RSRC1: variants seen among roughly 807,000 people sequenced by gnomAD.
The protein encoded by RSRC1 is arginine and serine rich coiled-coil 1.
A neutral mutation model predicts 49.1 loss-of-function variants in RSRC1; 39 were observed. The ratio of observed to expected loss-of-function variants is 0.79; its 90% CI spans 0.61 to 1.04. The LOEUF is 1.04. Among genes scored for constraint, RSRC1 ranks in the 50% least tolerant of loss-of-function variants. The pLI is 0.00. For missense variants in RSRC1, 388 were observed against 402.4 expected, an observed-to-expected ratio of 0.96 and a Z score of 0.31; for synonymous variants, 143 against 130.8, an observed-to-expected ratio of 1.09 and a Z score of -0.63.
intron 3 of RSRC1, among the ~76,000 whole-genome samples, chr3:158,154,849 G>A (rs12107974): frequency 0.016 from 2,402 of 152,202 alleles, 84 homozygotes; most frequent in African/African-American, 0.055. Flanking sequence ...ATCCTTTGCC[G>A]TGATTTCAGC....
intron 4 of RSRC1, among the ~76,000 whole-genome samples, chr3:158,244,806 CATT>C (rs1476729810): frequency 2.0e-5 from 3 of 151,990 alleles, no homozygotes; most frequent in East Asian, 3.9e-4. Flanking sequence ...TTTCAGAACT[CATT>C]ATTGGTCTGT....
chr3:158,529,214 G>GTGTGTATATATATA (rs374368016), intron 7 of RSRC1, among the ~76,000 whole-genome samples: 2,429 of 143,034 alleles, frequency 0.017, 49 homozygotes, highest in Admixed American at 0.065. Context: ...ATGTGTGTGT[G>GTGTGTATATATATA]TATATATATA....
chr3:158,509,822 A>G (rs1329336076), intron 7 of RSRC1, among the ~76,000 whole-genome samples: 2 of 152,094 alleles, frequency 1.3e-5, no homozygotes, highest in Non-Finnish European at 2.9e-5. Context: ...CTGTACCAAA[A>G]CTTACTGATT....
At chr3:158,362,498 G>A (rs750086041) in intron 6 of RSRC1, among the ~76,000 whole-genome samples, 9 of 152,160 alleles carry the variant, frequency 5.9e-5, no homozygotes, top group Non-Finnish European at 1.2e-4. Context: ...AAAACATTTA[G>A]ATGCTGATGT....
At chr3:158,382,187 A>G (rs1419608108) in intron 6 of RSRC1, among the ~76,000 whole-genome samples, 1 of 152,090 alleles carries the variant, frequency 6.6e-6, no homozygotes, top group Non-Finnish European at 1.5e-5. Context: ...CCATCTCCAT[A>G]TCTTGTCCCA....
intron 7 of RSRC1, among the ~76,000 whole-genome samples, chr3:158,472,974 A>G (rs1413962729): frequency 2.0e-5 from 3 of 152,192 alleles, no homozygotes; most frequent in Non-Finnish European, 4.4e-5. Flanking sequence ...ATATCATCTC[A>G]CACCAGTTAG....
chr3:158,526,383 T>C (rs1712024353), intron 7 of RSRC1, among the ~76,000 whole-genome samples: 1 of 152,012 alleles, frequency 6.6e-6, no homozygotes, highest in Non-Finnish European at 1.5e-5. Flanking sequence ...CTAGCTCTAA[T>C]AGTATATCTT....
chr3:158,178,113 G>GT (rs1427864589), intron 3 of RSRC1, among the ~76,000 whole-genome samples: 1 of 151,538 alleles, frequency 6.6e-6, no homozygotes, highest in African/African-American at 2.4e-5. Flanking sequence ...TTGTTGTTTT[G>GT]TTTTTTTGTT....
At chr3:158,329,009 T>C (rs945040792) in intron 5 of RSRC1, among the ~76,000 whole-genome samples, 13 of 152,240 alleles carry the variant, frequency 8.5e-5, no homozygotes, top group Non-Finnish European at 1.6e-4. Context: ...CCTGATACCC[T>C]TTCTTCCAGT....
chr3:158,395,205 T>C (rs760200957), intron 6 of RSRC1, among the ~76,000 whole-genome samples: 2 of 152,080 alleles, frequency 1.3e-5, no homozygotes, highest in Non-Finnish European at 2.9e-5. Context: ...GACTTAAATA[T>C]AAAACCTCAA....
At chr3:158,326,984 C>G (rs1034779256) in intron 5 of RSRC1, among the ~76,000 whole-genome samples, 1 of 152,106 alleles carries the variant, frequency 6.6e-6, no homozygotes, top group Non-Finnish European at 1.5e-5. Flanking sequence ...AGAAATTTAT[C>G]CATTTGTTCT....
At chr3:158,309,183 T>A (rs1727998794) in intron 5 of RSRC1, among the ~76,000 whole-genome samples, 1 of 151,890 alleles carries the variant, frequency 6.6e-6, no homozygotes, top group African/African-American at 2.4e-5. Flanking sequence ...AACTCTGCCT[T>A]ATAGAGACAT....
intron 7 of RSRC1, among the ~76,000 whole-genome samples, chr3:158,495,466 G>C (rs1348857037): frequency 6.6e-6 from 1 of 151,722 alleles, no homozygotes; most frequent in Non-Finnish European, 1.5e-5. Context: ...TGTACTTTTT[G>C]GTAGAGACAG....
chr3:158,538,849 C>T (rs1712875670), intron 8 of RSRC1, among the ~76,000 whole-genome samples: 1 of 151,872 alleles, frequency 6.6e-6, no homozygotes, highest in Admixed American at 6.6e-5. Flanking sequence ...ATCAGAAGAT[C>T]AGTGATAGTC....
intron 7 of RSRC1, among the ~76,000 whole-genome samples, chr3:158,486,239 G>T (rs2108441866): frequency 6.6e-6 from 1 of 152,198 alleles, no homozygotes; most frequent in Non-Finnish European, 1.5e-5. Flanking sequence ...TCCCTTACCT[G>T]ACTTCTAGTG....
chr3:158,367,063 T>G (rs1012332151), intron 6 of RSRC1, among the ~76,000 whole-genome samples: 1 of 152,206 alleles, frequency 6.6e-6, no homozygotes, highest in African/African-American at 2.4e-5. Context: ...TGGGGTTTTC[T>G]ATATATACAA....
chr3:158,489,595 A>C (rs1738981395), intron 7 of RSRC1, among the ~76,000 whole-genome samples: 2 of 152,080 alleles, frequency 1.3e-5, no homozygotes, highest in South Asian at 4.1e-4. Context: ...TGTAAAACAA[A>C]CCAGTAAAAA....
chr3:158,465,144 C>A (rs1269654306), intron 7 of RSRC1, among the ~76,000 whole-genome samples: 2 of 152,108 alleles, frequency 1.3e-5, no homozygotes, highest in Non-Finnish European at 2.9e-5. Flanking sequence ...TTTAGAGGCA[C>A]ATTTTGTCAG....
At chr3:158,143,185 A>G (rs1716859865) in intron 3 of RSRC1, among the ~76,000 whole-genome samples, 1 of 152,174 alleles carries the variant, frequency 6.6e-6, no homozygotes, top group South Asian at 2.1e-4. Context: ...TAGTTTCTAA[A>G]ATCCTGGTTG....
Sources: gnomAD v4.1 joint callset for allele counts (sites outside exome capture counted in the v4.1 genomes callset) on GRCh38, gnomAD v4.1.1 for gene constraint, MANE v1.5 for transcripts, NCBI Gene and HGNC (gene_info 2026-07-23, HGNC 2026-07-21) for gene names.